Variants in DLG2 observed in about 807,000 individuals in gnomAD.
DLG2 encodes the protein discs large MAGUK scaffold protein 2.
In DLG2, 45 loss-of-function variants were observed where a neutral mutation model predicts 132.5. The ratio of observed to expected loss-of-function variants is 0.34; its 90% confidence interval spans 0.27 to 0.44. The LOEUF (loss-of-function observed/expected upper bound fraction) is 0.44. Ranked by LOEUF, DLG2 falls within the 20% of genes least tolerant of loss-of-function variation. The probability of loss-of-function intolerance (pLI) is 1.00; values close to 1 mark genes in which losing one functional copy is unlikely to be tolerated. For missense variants in DLG2, 1,045 were observed against 1,196.9 expected (o/e 0.87, Z 1.87); for synonymous variants, 424 against 419.6 (o/e 1.01, Z -0.13).
chr11:85,387,942 C>A (rs2086483701), intron 3 of DLG2, among the ~76,000 whole-genome samples: 1 of 152,192 alleles, frequency 6.6e-6, no homozygotes, highest in Non-Finnish European at 1.5e-5. Flanking sequence ...CTGAGAGAAT[C>A]CACAGACCAT....
rs77104884 is a variant in DLG2, at chr11:84,187,428, T to C, written c.574-23917A>G. ...TATAAAGATTCAGAGGTAGTGTACT[T>C]GTGTGGATTTTCTCCCTTGTCATCA... On this transcript the variant is annotated intron_variant, in intron 8 of 27. Transcript: ENST00000376104. Among the ~76,000 whole-genome samples, 990 of 152,166 alleles carry C rather than the reference T, an allele frequency of 6.5e-3. 8 individuals carry two copies. The highest frequency in any genetic ancestry group is 0.011 in the Non-Finnish European group (739 of 67,930).
intron 7 of DLG2, among the ~76,000 whole-genome samples, chr11:84,479,828 T>G (rs1045494461): frequency 7.9e-5 from 12 of 152,104 alleles, no homozygotes; most frequent in African/African-American, 2.9e-4. Context: ...TTCAACCTAC[T>G]AAAAAATATA....
chr11:84,457,415 C>T (rs560726777), intron 7 of DLG2, among the ~76,000 whole-genome samples: 2 of 150,932 alleles, frequency 1.3e-5, no homozygotes, highest in Non-Finnish European at 3.0e-5. Context: ...AGTAAAAATA[C>T]AAAATGTTTT....
At chr11:84,697,773 T>C (rs543676143) in intron 6 of DLG2, among the ~76,000 whole-genome samples, 36 of 151,600 alleles carry the variant, frequency 2.4e-4, no homozygotes, top group South Asian at 4.2e-4. Flanking sequence ...ATGTACGTCA[T>C]TGACAGGTTT....
At chr11:84,902,130 T>G (rs1189891583) in intron 6 of DLG2, among the ~76,000 whole-genome samples, 1 of 152,110 alleles carries the variant, frequency 6.6e-6, no homozygotes, top group Non-Finnish European at 1.5e-5. Context: ...TTTGTAAAAT[T>G]CTTGAATGGA....
intron 16 of DLG2, among the ~76,000 whole-genome samples, chr11:83,837,861 G>T (rs778858908): frequency 6.6e-6 from 1 of 151,558 alleles, no homozygotes; most frequent in Non-Finnish European, 1.5e-5. Flanking sequence ...TCTACTCAAG[G>T]TTATTTGTTT....
intron 7 of DLG2, among the ~76,000 whole-genome samples, chr11:84,529,481 T>C (rs2099330071): frequency 6.6e-6 from 1 of 152,084 alleles, no homozygotes; most frequent in Admixed American, 6.6e-5. Context: ...AAAGCAGAAG[T>C]ATTCCTATCT....
At chr11:84,087,600 A>T (rs2097010244) in intron 10 of DLG2, among the ~76,000 whole-genome samples, 1 of 152,178 alleles carries the variant, frequency 6.6e-6, no homozygotes, top group Non-Finnish European at 1.5e-5. Flanking sequence ...GGATCTTGAG[A>T]TGAGGTGACT....
rs1422696037 is a variant in DLG2, at chr11:85,552,592, T to C, written c.40+46065A>G. Among the ~76,000 whole-genome samples the C allele has an allele frequency of 3.3e-5, 5 of 151,288 alleles. No homozygotes were observed. The East Asian group carries it at 9.6e-4, about 29-fold the overall frequency. ...TACTGAAAGACCTTCCAATGAAAAATAGTGACTTAAATAAAATAAATAGAA... is the reference window on the plus strand; with the variant it reads ...TACTGAAAGACCTTCCAATGAAAAACAGTGACTTAAATAAAATAAATAGAA... On this transcript the variant is annotated intron_variant, in intron 3 of 27. Coordinates refer to ENST00000376104, the MANE Select transcript of DLG2 (RefSeq NM_001142699.3).
In DLG2 at chr11:84,043,967, G is replaced by A. The variant is rs181144215; in HGVS notation, c.919+15348C>T. ...AATCATGAGCAATTAATTCCCTTCTGCCCCTTGAACTATAGGTTAAACTCT... is the reference window on the plus strand; with the variant it reads ...AATCATGAGCAATTAATTCCCTTCTACCCCTTGAACTATAGGTTAAACTCT... On this transcript the variant is annotated intron_variant, in intron 11 of 27. Transcript: ENST00000376104. Among the ~76,000 whole-genome samples, 4 of 151,462 alleles carry A rather than the reference G, an allele frequency of 2.6e-5. No individual in the cohort carries two copies. The East Asian group carries it at 7.8e-4, about 30-fold the overall frequency.
At chr11:84,032,655 C>G (rs1429779503) in intron 11 of DLG2, among the ~76,000 whole-genome samples, 1 of 152,138 alleles carries the variant, frequency 6.6e-6, no homozygotes, top group African/African-American at 2.4e-5. Flanking sequence ...CTATATTAAA[C>G]AACAGATTTT....
intron 7 of DLG2, among the ~76,000 whole-genome samples, chr11:84,466,955 G>T (rs2099096054): frequency 6.6e-6 from 1 of 151,162 alleles, no homozygotes; most frequent in Non-Finnish European, 1.5e-5. Flanking sequence ...TGCAATATTA[G>T]ATTTGAATTA....
At chr11:85,627,500 G>A (rs916015589), upstream of DLG2, 2 of 152,120 alleles carry the variant, frequency 1.3e-5, no homozygotes, top group South Asian at 2.1e-4. Flanking sequence ...CTCCCTATCC[G>A]GCGAGGAAAA....
At chr11:84,289,628 T>G (rs2097958360) in intron 7 of DLG2, among the ~76,000 whole-genome samples, 1 of 152,096 alleles carries the variant, frequency 6.6e-6, no homozygotes, top group South Asian at 2.1e-4. Flanking sequence ...GGAAAACCTT[T>G]AAAGCTACAG....
At chr11:83,993,731 T>C (rs2093859007) in intron 11 of DLG2, among the ~76,000 whole-genome samples, 1 of 152,156 alleles carries the variant, frequency 6.6e-6, no homozygotes, top group Non-Finnish European at 1.5e-5. Context: ...AGCACATCTG[T>C]CTATGCAGTT....
chr11:84,387,197 C>A (rs2098774409), intron 7 of DLG2, among the ~76,000 whole-genome samples: 1 of 151,930 alleles, frequency 6.6e-6, no homozygotes, highest in Non-Finnish European at 1.5e-5. Context: ...GCGCTAGAGT[C>A]CATGCATTTA....
At chr11:85,611,904 G>T (rs1247868772) in intron 2 of DLG2, among the ~76,000 whole-genome samples, 1 of 151,982 alleles carries the variant, frequency 6.6e-6, no homozygotes, top group Non-Finnish European at 1.5e-5. Flanking sequence ...AGCTGGCAGA[G>T]GCAGGGAAAG....
At chr11:84,692,127 T>C (rs1221070450) in intron 6 of DLG2, among the ~76,000 whole-genome samples, 2 of 151,730 alleles carry the variant, frequency 1.3e-5, no homozygotes, top group Non-Finnish European at 3.0e-5. Context: ...ACGCAGCATG[T>C]GTAGGCGCGC....
intron 3 of DLG2, among the ~76,000 whole-genome samples, chr11:85,380,550 C>A (rs1321189268): frequency 2.0e-5 from 3 of 152,174 alleles, no homozygotes; most frequent in African/African-American, 7.2e-5. Context: ...ATCCCAACTA[C>A]TCGGGAGGCT....
Sources: allele counts gnomAD v4.1 joint callset (sites outside exome capture counted in the v4.1 genomes callset), GRCh38; gene constraint gnomAD v4.1.1; transcripts MANE v1.5; gene names NCBI Gene and HGNC (gene_info 2026-07-23, HGNC 2026-07-21).